The following PCDHGA6 variants were observed in gnomAD, a reference collection of about 807,000 sequenced individuals.
PCDHGA6 encodes the protein protocadherin gamma-A6.
PCDHGA6 carries 41 observed loss-of-function variants against 60.6 expected under a neutral mutation model. That is an observed-to-expected ratio of 0.68 (90% CI 0.53 to 0.88). The LOEUF is 0.88. PCDHGA6 is among the 40% of genes least tolerant of loss of function. The pLI is 0.00. For missense variants in PCDHGA6, 1,312 were observed against 1,203.0 expected, an observed-to-expected ratio of 1.09 and a Z score of -1.34; for synonymous variants, 594 against 524.4, an observed-to-expected ratio of 1.13 and a Z score of -1.81.
chr5:141,439,579 G>A (rs980322898), intron 1 of PCDHGA6, among the ~76,000 whole-genome samples: 6 of 152,148 alleles, frequency 3.9e-5, no homozygotes, highest in African/African-American at 1.4e-4. Context: ...GGGACTCAGA[G>A]TGCCACTGTT....
rs769249726 is a variant in PCDHGA6 at position 141,490,832 on chromosome 5, A to C, written c.2425-3975A>C. On this transcript the variant is annotated intron_variant, in intron 1 of 3. Transcript: ENST00000517434. This position sits in a 1 kb window ranked among gnomAD's most constrained non-coding sequence, Gnocchi z 5.4. Reference sequence around the variant, plus strand: ...GACTATGAATTGCTGCAGATGCTGCAGATTGTGGTGGGGGTTCGAGACTCC... The same window carrying C: ...GACTATGAATTGCTGCAGATGCTGCCGATTGTGGTGGGGGTTCGAGACTCC... 1.5e-5 allele frequency: 25 copies of C among 1,613,796 alleles called. No individual in the cohort carries two copies. In the South Asian group the frequency reaches 2.6e-4, roughly 17 times the overall value.
chr5:141,376,578 AT>A (rs1281725359), intron 1 of PCDHGA6, 71 bp downstream of exon 1: 1 of 1,590,896 alleles, frequency 6.3e-7, no homozygotes, highest in South Asian at 1.1e-5. Flanking sequence ...AGACAGGCTC[AT>A]CAGCTAGATC....
At chr5:141,385,376 C>T in intron 1 of PCDHGA6, 1 of 1,523,128 alleles carries the variant, frequency 6.6e-7, no homozygotes. Context: ...CATGATATTT[C>T]TCTATTATTT....
At chr5:141,422,463 C>T in intron 1 of PCDHGA6, 1 of 1,613,472 alleles carries the variant, frequency 6.2e-7, no homozygotes, top group African/African-American at 1.3e-5. Context: ...GAGTGCTGGA[C>T]AGGGAGTTGG....
rs539727453 is a variant in PCDHGA6 at position 141,487,510 on chromosome 5, C to G, written c.2425-7297C>G. ...GCTGTACACCCTTGGCTTCTGCACC[C>G]ACTCGGAGTGATAGCTTCATGATGG... On this transcript the variant is annotated intron_variant, in intron 1 of 3. Coordinates refer to ENST00000517434, the MANE Select transcript of PCDHGA6 (RefSeq NM_018919.3). This position sits in a 1 kb window ranked among gnomAD's most constrained non-coding sequence, Gnocchi z 5.0. The G allele has an allele frequency of 2.5e-6, 4 of 1,614,210 alleles. No homozygotes were observed. The highest frequency in any genetic ancestry group is 2.2e-5 in the East Asian group (1 of 44,860).
rs1263045322 is a variant in PCDHGA6, at chr5:141,374,380, C to T, written c.297C>T (p.Ser99=). Residue 99 remains serine, a synonymous_variant, in exon 1 of 4, where the codon AGC becomes AGT. Transcript: ENST00000517434. ...RIDREELCAQ[S]PRCLVSFNIL... is the part of the protein sequence containing the mutation. ...ACCGCGAGGAGCTCTGTGCTCAGAG[C>T]CCGCGGTGTCTGGTGAGTTTTAACA... The T allele has an allele frequency of 1.2e-6, 2 of 1,613,894 alleles. No individual in the cohort carries two copies. Among genetic ancestry groups the T allele is most frequent in the Non-Finnish European group, 1.7e-6 (2 of 1,179,906 alleles).
chr5:141,447,388 T>C (rs1302757515), intron 1 of PCDHGA6, among the ~76,000 whole-genome samples: 3 of 152,166 alleles, frequency 2.0e-5, no homozygotes, highest in African/African-American at 7.2e-5. Flanking sequence ...TCTGCCCACC[T>C]CGGCCTCCCA....
At position 141,505,383 on chromosome 5, in the gene PCDHGA6, C is replaced by G. The variant is rs369765886; in HGVS notation, c.2484-10C>G. On this transcript the variant is annotated splice_polypyrimidine_tract_variant and intron_variant, in intron 2 of 3. Transcript: ENST00000517434. ...GGGAGTCTGTGCTCACCATCCTACT[C>G]TCTCCCCAGCTCCCAAAATGGCGAT... The G allele has an allele frequency of 6.2e-7, 1 of 1,613,944 alleles. No homozygotes were observed. The highest frequency in any genetic ancestry group is 1.3e-5 in the African/African-American group (1 of 74,914).
chr5:141,454,865 TG>T (rs2098805228), intron 1 of PCDHGA6, among the ~76,000 whole-genome samples: 1 of 135,344 alleles, frequency 7.4e-6, no homozygotes, highest in Non-Finnish European at 1.5e-5. Flanking sequence ...TGGAGTGCAG[TG>T]GCACGATCTT....
intron 1 of PCDHGA6, among the ~76,000 whole-genome samples, chr5:141,482,554 A>T (rs997707871): frequency 4.1e-5 from 6 of 146,884 alleles, no homozygotes; most frequent in Non-Finnish European, 6.0e-5. Flanking sequence ...AAAAAAGATA[A>T]TGGAGATCTG....
intron 1 of PCDHGA6, chr5:141,390,730 A>T (rs964390196): frequency 2.0e-5 from 4 of 195,852 alleles, no homozygotes; most frequent in Non-Finnish European, 3.1e-5. Flanking sequence ...TTTAACTGGT[A>T]TGGTCTCCAT....
intron 1 of PCDHGA6, among the ~76,000 whole-genome samples, chr5:141,425,585 A>G (rs1270579511): frequency 6.6e-6 from 1 of 152,252 alleles, no homozygotes; most frequent in African/African-American, 2.4e-5. Flanking sequence ...GGCTAACTTT[A>G]TTCTGAATAT....
chr5:141,456,327 G>C (rs917430790), intron 1 of PCDHGA6, among the ~76,000 whole-genome samples: 1 of 152,186 alleles, frequency 6.6e-6, no homozygotes, highest in African/African-American at 2.4e-5. Flanking sequence ...TCCTGGGGTT[G>C]ATCTAAGGGT....
intron 1 of PCDHGA6, chr5:141,382,748 C>T (rs753044238): frequency 2.3e-5 from 14 of 606,870 alleles, no homozygotes; most frequent in Non-Finnish European, 3.6e-5. Context: ...CGACAGATTG[C>T]GATAAGCCCT....
rs111842066 is a variant in PCDHGA6, at chr5:141,486,269, G to A, written c.2425-8538G>A. 6.2e-7 allele frequency: 1 copy of A among 1,613,996 alleles called. No homozygotes were observed. Reference sequence around the variant, plus strand: ...AACCCTCCCCGAGAGTGCAGAACCTGGCACTGTGGTGGCACTTATCAGTGT... The same window carrying A: ...AACCCTCCCCGAGAGTGCAGAACCTAGCACTGTGGTGGCACTTATCAGTGT... On this transcript the variant is annotated intron_variant, in intron 1 of 3. Transcript: ENST00000517434. This position sits in a 1 kb window ranked among gnomAD's most constrained non-coding sequence, Gnocchi z 5.0.
chr5:141,437,628 T>C (rs2097897572), intron 1 of PCDHGA6, among the ~76,000 whole-genome samples: 1 of 152,212 alleles, frequency 6.6e-6, no homozygotes, highest in African/African-American at 2.4e-5. Context: ...CCATATAAGA[T>C]GTCAGGTTCA....
Position 141,489,140 on chromosome 5 carries a change from G to A in PCDHGA6, c.2425-5667G>A. ...CCTCCGAGCAGTTTTTAAGAGGCTG[G>A]AAGGAGACATAAGAGACTTCAGCTG... is the stretch of plus-strand genomic sequence containing the variant. On this transcript the variant is annotated intron_variant, in intron 1 of 3. Transcript: ENST00000517434. The surrounding 1 kb of genome is among the most constrained non-coding windows in gnomAD (Gnocchi z 4.5). The A allele has an allele frequency of 1.2e-6, 1 of 841,390 alleles. No individual in the cohort carries two copies. Among genetic ancestry groups the A allele is most frequent in the South Asian group, 2.1e-5 (1 of 47,082 alleles). The allele number at this position is 841,390 out of a possible 1,614,324, so 52.1% of individuals were successfully genotyped here.
chr5:141,480,827 A>G (rs1455065731), intron 1 of PCDHGA6, among the ~76,000 whole-genome samples: 2 of 152,212 alleles, frequency 1.3e-5, no homozygotes, highest in Admixed American at 6.5e-5. Context: ...TGGGTGGATC[A>G]TAAGATCAGG....
chr5:141,503,400 A>C (rs2099819725), intron 2 of PCDHGA6, among the ~76,000 whole-genome samples: 1 of 151,750 alleles, frequency 6.6e-6, no homozygotes, highest in Non-Finnish European at 1.5e-5. Context: ...TTCGAAACCA[A>C]CCTGGCCAAT....
Sources: gnomAD v4.1 joint callset for allele counts (sites outside exome capture counted in the v4.1 genomes callset) on GRCh38, gnomAD v4.1.1 for gene constraint, Gnocchi (gnomAD v3.1) non-coding constraint, MANE v1.5 for transcripts, NCBI Gene and HGNC (gene_info 2026-07-23, HGNC 2026-07-21) for gene names.